The following KLF12 variants were observed in gnomAD, a reference collection of about 807,000 sequenced individuals.
The protein encoded by KLF12 is KLF transcription factor 12.
A neutral mutation model predicts 37.8 loss-of-function variants in KLF12; 9 were observed. That is an observed-to-expected ratio of 0.24 (90% confidence interval 0.14 to 0.42). The LOEUF is 0.42. KLF12 is among the 10% of genes least tolerant of loss of function. The probability of loss-of-function intolerance (pLI) is 1.00; values close to 1 mark genes in which losing one functional copy is unlikely to be tolerated. For synonymous variants in KLF12, 208 were observed against 202.1 expected (o/e 1.03, Z -0.25); for missense variants, 411 against 516.0 (o/e 0.80, Z 1.97).
intron 6 of KLF12, among the ~76,000 whole-genome samples, chr13:73,748,744 A>G (rs1384328920): frequency 6.6e-6 from 1 of 152,126 alleles, no homozygotes; most frequent in Non-Finnish European, 1.5e-5. Flanking sequence ...TCTGGGAGAT[A>G]TATTTTTGTT....
chr13:73,799,709 T>C (rs768219741), intron 5 of KLF12, among the ~76,000 whole-genome samples: 1 of 152,158 alleles, frequency 6.6e-6, no homozygotes, highest in Non-Finnish European at 1.5e-5. Context: ...TTTTTCCCAA[T>C]CAATTTTCTG....
the KLF12 span, among the ~76,000 whole-genome samples, chr13:74,297,483 T>C: frequency 6.6e-6 from 1 of 152,210 alleles, no homozygotes; most frequent in African/African-American, 2.4e-5. Context: ...AACAGTAATC[T>C]GCAAAATAGG....
intron 4 of KLF12, among the ~76,000 whole-genome samples, chr13:73,820,537 G>A (rs944606514): frequency 1.3e-5 from 2 of 152,174 alleles, no homozygotes; most frequent in Non-Finnish European, 2.9e-5. Context: ...ACAATGCCTT[G>A]TTTCTTGTTT....
intron 3 of KLF12, among the ~76,000 whole-genome samples, chr13:73,876,164 AAAAAG>A (rs1324982793): frequency 1.3e-5 from 2 of 152,188 alleles, no homozygotes; most frequent in Admixed American, 1.3e-4. Flanking sequence ...AAAAAAAAAA[AAAAAG>A]GTTTTAGCTT....
intron 1 of KLF12, among the ~76,000 whole-genome samples, chr13:74,036,023 T>C (rs1272803790): frequency 1.3e-5 from 2 of 152,152 alleles, no homozygotes; most frequent in Non-Finnish European, 1.5e-5. Flanking sequence ...TCCAGTGCAC[T>C]CATTAACCAG....
intron 6 of KLF12, 29 bp from the exon 7 acceptor site, chr13:73,715,554 G>A (rs770579098): frequency 7.5e-6 from 12 of 1,608,890 alleles, no homozygotes; most frequent in African/African-American, 5.3e-5. Context: ...GAGTTACACG[G>A]TGAGATGCAC....
the KLF12 span, among the ~76,000 whole-genome samples, chr13:74,235,983 T>G: frequency 7.9e-5 from 12 of 150,964 alleles, no homozygotes; most frequent in Non-Finnish European, 1.5e-5. Context: ...TTAGGGTACA[T>G]GTGCACAATG....
intron 3 of KLF12, among the ~76,000 whole-genome samples, chr13:73,889,176 C>A (rs997623327): frequency 1.3e-5 from 2 of 152,018 alleles, no homozygotes; most frequent in Non-Finnish European, 2.9e-5. Flanking sequence ...CACAGAAAGC[C>A]AGAAAACATA....
chr13:73,952,008 A>T (rs1021348938), intron 2 of KLF12, among the ~76,000 whole-genome samples: 1 of 152,260 alleles, frequency 6.6e-6, no homozygotes, highest in Admixed American at 6.5e-5. Context: ...TCTAGGAGAT[A>T]AGCTTGTTGT....
At chr13:74,152,891 A>G in the KLF12 span, among the ~76,000 whole-genome samples, 3 of 4,220 alleles carry the variant, frequency 7.1e-4, no homozygotes, top group East Asian at 0.1. Flanking sequence ...TACAGATAAT[A>G]ATAATAATAA....
the KLF12 span, among the ~76,000 whole-genome samples, chr13:74,261,762 G>A: frequency 6.6e-6 from 1 of 152,180 alleles, no homozygotes; most frequent in Non-Finnish European, 1.5e-5. Context: ...GCATGGATTT[G>A]CTATGAAGCC....
intron 3 of KLF12, among the ~76,000 whole-genome samples, chr13:73,883,010 T>C (rs925488188): frequency 6.6e-6 from 1 of 152,294 alleles, no homozygotes; most frequent in Admixed American, 6.5e-5. Context: ...ATTTAAATAA[T>C]CATCCCCAAA....
intron 2 of KLF12, among the ~76,000 whole-genome samples, chr13:73,961,329 A>C (rs1256911863): frequency 1.3e-5 from 2 of 152,180 alleles, no homozygotes; most frequent in African/African-American, 4.8e-5. Context: ...AGCATGTAAG[A>C]AGCTTAGAAG....
the KLF12 span, among the ~76,000 whole-genome samples, chr13:74,286,478 T>G: frequency 6.6e-6 from 1 of 152,208 alleles, no homozygotes; most frequent in African/African-American, 2.4e-5. Context: ...ACAAATTTTC[T>G]CTAATGTAAT....
chr13:73,852,009 AT>A (rs1885358033), intron 3 of KLF12, among the ~76,000 whole-genome samples: 3 of 152,222 alleles, frequency 2.0e-5, no homozygotes, highest in Non-Finnish European at 4.4e-5. Context: ...GATGAGCACC[AT>A]TCTTAAAAGA....
the KLF12 span, among the ~76,000 whole-genome samples, chr13:74,162,515 T>G: frequency 2.0e-5 from 3 of 152,202 alleles, no homozygotes; most frequent in Non-Finnish European, 4.4e-5. Context: ...CCTGAAAACT[T>G]GCCCATTTTC....
intron 2 of KLF12, among the ~76,000 whole-genome samples, chr13:73,969,510 T>C (rs570433507): frequency 1.3e-5 from 2 of 152,310 alleles, no homozygotes; most frequent in East Asian, 3.9e-4. Context: ...AAGGATAAAC[T>C]CCTTCTTTAG....
At chr13:73,988,886 T>A (rs1315908484) in intron 2 of KLF12, among the ~76,000 whole-genome samples, 2 of 152,210 alleles carry the variant, frequency 1.3e-5, no homozygotes, top group Non-Finnish European at 2.9e-5. Context: ...GCTTTAGAAT[T>A]TTTTTCTCAT....
intron 5 of KLF12, among the ~76,000 whole-genome samples, chr13:73,785,968 C>T (rs917530796): frequency 1.3e-5 from 2 of 152,100 alleles, no homozygotes; most frequent in African/African-American, 4.8e-5. Flanking sequence ...AAGCTAAAAC[C>T]TACATTTCCC....
Sources: gnomAD v4.1 joint callset for allele counts (sites outside exome capture counted in the v4.1 genomes callset) on GRCh38, gnomAD v4.1.1 for gene constraint, MANE v1.5 for transcripts, NCBI Gene and HGNC (gene_info 2026-07-23, HGNC 2026-07-21) for gene names.